Variants in CSMD1 observed in about 807,000 individuals in gnomAD.
CSMD1 encodes CUB and Sushi multiple domains 1, also known as CUB and sushi domain-containing protein 1.
Under a neutral mutation model 417.5 loss-of-function variants are expected in CSMD1, and 213 were observed. The observed-to-expected ratio is 0.51, with a 90% CI of 0.46 to 0.57. The LOEUF (loss-of-function observed/expected upper bound fraction) is 0.57. Among genes scored for constraint, CSMD1 ranks in the 20% least tolerant of loss-of-function variants. The pLI, the probability that CSMD1 is intolerant of heterozygous loss-of-function variation, is 0.00. For synonymous variants in CSMD1, 2,862 were observed against 1,736.8 expected (o/e 1.65, Z -16.11); for missense variants, 6,923 against 4,529.7 (o/e 1.53, Z -15.17).
At position 4,742,000 on chromosome 8, in the gene CSMD1, C is replaced by CTTTTTTTTTTTTTT. The variant is rs71209120; in HGVS notation, c.86-104456_86-104443dup. Among the ~76,000 whole-genome samples, 2 of 73,818 alleles carry CTTTTTTTTTTTTTT rather than the reference C, an allele frequency of 2.7e-5. 1 individual carries two copies. The highest frequency in any genetic ancestry group is 5.4e-5 in the Non-Finnish European group (2 of 37,162). 48.4% of individuals were successfully genotyped at this position (73,818 alleles called of 152,430 possible). A position where few individuals can be genotyped will look rare whatever the true frequency, so the allele number is the denominator to read the frequency against. On this transcript the variant is annotated intron_variant, in intron 1 of 69. Coordinates refer to ENST00000635120, the MANE Select transcript of CSMD1 (RefSeq NM_033225.6). ...AGGTCCGCACGCACCACCACACCCACTTTTTTTTTTTTTTTTTTTTTTTTT... is the reference window on the plus strand; with the variant it reads ...AGGTCCGCACGCACCACCACACCCACTTTTTTTTTTTTTTTTTTTTTTTTTTTTTTTTTTTTTTT...
At chr8:4,922,296 T>C (rs903517272) in intron 1 of CSMD1, among the ~76,000 whole-genome samples, 2 of 152,190 alleles carry the variant, frequency 1.3e-5, no homozygotes, top group African/African-American at 4.8e-5. Flanking sequence ...ATAGGCATCA[T>C]TGATTCTTGT....
At chr8:3,100,695 T>C (rs1815674061) in intron 46 of CSMD1, among the ~76,000 whole-genome samples, 1 of 152,126 alleles carries the variant, frequency 6.6e-6, no homozygotes. Context: ...TAAAGAAAAA[T>C]AAAATGTGAG....
At chr8:4,622,702 T>C (rs1026553101) in intron 2 of CSMD1, among the ~76,000 whole-genome samples, 2 of 152,138 alleles carry the variant, frequency 1.3e-5, no homozygotes, top group Non-Finnish European at 2.9e-5. Flanking sequence ...ACAGAATTCA[T>C]TACATCCCAC....
Position 4,846,366 on chromosome 8 carries a change from T to G in CSMD1, c.85+147966A>C, listed in dbSNP as rs59441730. On this transcript the variant is annotated intron_variant, in intron 1 of 69. Coordinates refer to ENST00000635120, the MANE Select transcript of CSMD1 (RefSeq NM_033225.6). ...GGGTTTATAGATGGGTTTCCTTGCT[T>G]GGAGGGCTGACATGGTGGTTTTCCT... Among the ~76,000 whole-genome samples, 481 of 152,300 alleles carry G rather than the reference T, an allele frequency of 3.2e-3. 1 individual carries two copies. The highest frequency in any genetic ancestry group is 0.011 in the African/African-American group (467 of 41,546).
chr8:4,824,081 T>C (rs200823911), intron 1 of CSMD1, among the ~76,000 whole-genome samples: 1 of 80,940 alleles, frequency 1.2e-5, no homozygotes, highest in African/African-American at 4.6e-5. Context: ...CAAATAAATA[T>C]CCACACACAC....
At chr8:3,603,444 A>T (rs1801459174) in intron 8 of CSMD1, among the ~76,000 whole-genome samples, 1 of 152,166 alleles carries the variant, frequency 6.6e-6, no homozygotes, top group South Asian at 2.1e-4. Flanking sequence ...TATATGACAA[A>T]CCTGGACTGA....
At chr8:3,244,083 G>A (rs1043907836) in intron 26 of CSMD1, among the ~76,000 whole-genome samples, 26 of 152,108 alleles carry the variant, frequency 1.7e-4, no homozygotes, top group Non-Finnish European at 2.5e-4. Context: ...AGAAGCAGTC[G>A]CATCTAGTAC....
intron 1 of CSMD1, among the ~76,000 whole-genome samples, chr8:4,758,926 G>A (rs998963312): frequency 1.3e-5 from 2 of 152,200 alleles, no homozygotes; most frequent in African/African-American, 2.4e-5. Context: ...AGGGATGAGG[G>A]GGATTTCAGT....
intron 26 of CSMD1, among the ~76,000 whole-genome samples, chr8:3,247,508 C>T (rs1799959481): frequency 6.6e-6 from 1 of 152,190 alleles, no homozygotes; most frequent in Non-Finnish European, 1.5e-5. Flanking sequence ...AAGGCCCATC[C>T]AACCCTACGA....
At chr8:3,535,083 G>C (rs1320378384) in intron 10 of CSMD1, among the ~76,000 whole-genome samples, 1 of 152,046 alleles carries the variant, frequency 6.6e-6, no homozygotes, top group African/African-American at 2.4e-5. Flanking sequence ...GAGTAGTTGG[G>C]ACTACAGGGT....
At chr8:4,792,291 G>A (rs765453713) in intron 1 of CSMD1, among the ~76,000 whole-genome samples, 7 of 152,118 alleles carry the variant, frequency 4.6e-5, no homozygotes, top group African/African-American at 1.7e-4. Context: ...CCCCTATAAA[G>A]GTGCATGGTC....
At chr8:4,232,634 T>C (rs1563311748) in intron 3 of CSMD1, among the ~76,000 whole-genome samples, 1 of 152,174 alleles carries the variant, frequency 6.6e-6, no homozygotes, top group East Asian at 1.9e-4. Context: ...AGATGAAGGG[T>C]ATTTCATCAC....
chr8:4,098,936 G>T (rs547272049), intron 3 of CSMD1, among the ~76,000 whole-genome samples: 1 of 152,080 alleles, frequency 6.6e-6, no homozygotes, highest in South Asian at 2.1e-4. Flanking sequence ...GTACAACACA[G>T]AAAAAATGTT....
chr8:3,779,255 G>T lies in CSMD1; in HGVS notation c.819-25213C>A, dbSNP rs557781512. The stretch of plus-strand genomic sequence containing the variant: ...CCTTCTAGAAGGTGAGGACTAGCAA[G>T]GGTATTATCTGTTTGCTTGAGCTTT... On this transcript the variant is annotated intron_variant, in intron 5 of 69. Transcript: ENST00000635120. 2.0e-5 allele frequency among the ~76,000 whole-genome samples: 3 copies of T among 152,050 alleles called. No individual in the cohort carries two copies. The East Asian group carries it at 5.8e-4, about 29-fold the overall frequency.
At chr8:4,267,538 C>G (rs906312642) in intron 3 of CSMD1, among the ~76,000 whole-genome samples, 7 of 151,710 alleles carry the variant, frequency 4.6e-5, no homozygotes, top group South Asian at 2.1e-4. Flanking sequence ...CACTGCAACT[C>G]CAATTGTAAT....
chr8:4,348,211 A>G (rs1398631614), intron 3 of CSMD1, among the ~76,000 whole-genome samples: 2 of 152,258 alleles, frequency 1.3e-5, no homozygotes, highest in Middle Eastern at 3.4e-3. Context: ...GAAAATGTAT[A>G]TAAGAAATTC....
chr8:4,632,151 A>G (rs1425203006), intron 2 of CSMD1, among the ~76,000 whole-genome samples: 1 of 152,316 alleles, frequency 6.6e-6, no homozygotes, highest in African/African-American at 2.4e-5. Flanking sequence ...ACATTAAGTC[A>G]CGTTGGGTTC....
At chr8:3,987,944 G>A (rs1173702196) in intron 5 of CSMD1, among the ~76,000 whole-genome samples, 2 of 152,148 alleles carry the variant, frequency 1.3e-5, no homozygotes, top group Non-Finnish European at 2.9e-5. Context: ...TCAAAGGACT[G>A]AGAAATCCAC....
intron 10 of CSMD1, among the ~76,000 whole-genome samples, chr8:3,537,354 ATTG>A (rs1213081122): frequency 6.6e-6 from 1 of 152,122 alleles, no homozygotes; most frequent in Admixed American, 6.5e-5. Flanking sequence ...ATGAGTTTTT[ATTG>A]TTGTTTAGTG....
Sources: gnomAD v4.1 joint callset for allele counts (sites outside exome capture counted in the v4.1 genomes callset) on GRCh38, gnomAD v4.1.1 for gene constraint, MANE v1.5 for transcripts, NCBI Gene and HGNC (gene_info 2026-07-23, HGNC 2026-07-21) for gene names.